Variants in SPATA13 observed in about 807,000 individuals in gnomAD.
The protein encoded by SPATA13 is spermatogenesis associated 13, also known as spermatogenesis-associated protein 13.
SPATA13 carries 50 observed loss-of-function variants against 104.0 expected under a neutral mutation model. The observed-to-expected ratio is 0.48, with a 90% confidence interval of 0.38 to 0.61. SPATA13 has a LOEUF of 0.61. Among genes scored for constraint, SPATA13 ranks in the 20% least tolerant of loss-of-function variants. SPATA13 has a pLI of 0.00. For missense variants in SPATA13, 1,524 were observed against 1,690.6 expected, an observed-to-expected ratio of 0.90 and a Z score of 1.73; for synonymous variants, 606 against 667.5, an observed-to-expected ratio of 0.91 and a Z score of 1.42.
intron 3 of SPATA13, among the ~76,000 whole-genome samples, chr13:24,040,349 G>C (rs569598069): frequency 2.0e-4 from 30 of 152,300 alleles, no homozygotes; most frequent in Admixed American, 3.3e-4. Flanking sequence ...TTAAAGTCCT[G>C]AGGCCTCCCA....
intron 3 of SPATA13, among the ~76,000 whole-genome samples, chr13:24,025,390 C>A (rs1017176258): frequency 6.6e-6 from 1 of 152,066 alleles, no homozygotes; most frequent in African/African-American, 2.4e-5. Context: ...TATGGATGGA[C>A]ATTAATTTCC....
At chr13:24,065,379 C>T (rs921805077) in intron 3 of SPATA13, among the ~76,000 whole-genome samples, 1 of 152,040 alleles carries the variant, frequency 6.6e-6, no homozygotes, top group African/African-American at 2.4e-5. Context: ...GGCTGTGAGC[C>T]TGCTTATGTT....
intron 3 of SPATA13, chr13:24,123,897 T>C (rs571088625): frequency 8.3e-4 from 527 of 638,092 alleles, no homozygotes; most frequent in Non-Finnish European, 1.3e-3. Flanking sequence ...CACCCAGAGA[T>C]CATTGTTAAT....
chr13:24,009,836 T>C (rs1876390554), intron 2 of SPATA13, among the ~76,000 whole-genome samples: 1 of 152,166 alleles, frequency 6.6e-6, no homozygotes, highest in Non-Finnish European at 1.5e-5. Flanking sequence ...GAGGAGGGTA[T>C]AATGAGGCAT....
chr13:24,249,838 C>T lies in SPATA13; in HGVS notation c.2015C>T (p.Thr672Ile). 6.3e-7 allele frequency: 1 copy of T among 1,597,334 alleles called. No individual in the cohort carries two copies. The highest frequency in any genetic ancestry group is 8.5e-7 in the Non-Finnish European group (1 of 1,171,180). The change falls in exon 3 of 13, where the codon ACC becomes ATC. Residue 672 changes from threonine (T) to isoleucine (I), a missense_variant. Coordinates refer to ENST00000382108, the MANE Select transcript of SPATA13 (RefSeq NM_001166271.3). ...NQTEELDNLL[T>I]QPASRPPMPA... ...ACGGAGGAACTGGACAATCTTCTGA[C>T]CCAAGTAAGATCTGGTGTGCACTTC...
chr13:24,145,888 T>G (rs988828376), intron 3 of SPATA13, among the ~76,000 whole-genome samples: 1 of 152,156 alleles, frequency 6.6e-6, no homozygotes, highest in African/African-American at 2.4e-5. Flanking sequence ...AGCTCTATGC[T>G]GATGGAGGGA....
Position 24,290,889 on chromosome 13 carries a change from G to A in SPATA13, c.3080+5G>A. On this transcript the variant is annotated splice_donor_5th_base_variant and intron_variant, in intron 9 of 12. Coordinates refer to ENST00000382108, the MANE Select transcript of SPATA13 (RefSeq NM_001166271.3). Reference sequence around the variant, plus strand: ...GTATACCACACAGGAACACGGGTGAGGGGCATGGGTAAGGGGCACAGGTGA... The same window carrying A: ...GTATACCACACAGGAACACGGGTGAAGGGCATGGGTAAGGGGCACAGGTGA... 6.2e-7 allele frequency: 1 copy of A among 1,612,244 alleles called. No homozygotes were observed. The highest frequency in any genetic ancestry group is 8.5e-7 in the Non-Finnish European group (1 of 1,178,672).
At chr13:24,215,635 A>G (rs574795024) in intron 1 of SPATA13, among the ~76,000 whole-genome samples, 1 of 152,332 alleles carries the variant, frequency 6.6e-6, no homozygotes, top group African/African-American at 2.4e-5. Context: ...ATGCTCTTAC[A>G]CACAGTTATT....
At chr13:24,045,010 C>T (rs1231970165) in intron 3 of SPATA13, among the ~76,000 whole-genome samples, 3 of 152,114 alleles carry the variant, frequency 2.0e-5, no homozygotes, top group African/African-American at 7.2e-5. Flanking sequence ...TTCCTTTATT[C>T]TTTCGTGTTT....
At chr13:24,219,422 A>AAATT in intron 1 of SPATA13, among the ~76,000 whole-genome samples, 1 of 152,346 alleles carries the variant, frequency 6.6e-6, no homozygotes, top group African/African-American at 2.4e-5. Context: ...TGAATCCTAG[A>AAATT]AATTAAGTTC....
At chr13:24,096,576 G>C (rs924783212) in intron 3 of SPATA13, among the ~76,000 whole-genome samples, 1 of 152,180 alleles carries the variant, frequency 6.6e-6, no homozygotes, top group South Asian at 2.1e-4. Context: ...GGGCAGCAGA[G>C]TGAGACTCTG....
chr13:24,027,560 T>G (rs1428110931), intron 3 of SPATA13, among the ~76,000 whole-genome samples: 1 of 152,238 alleles, frequency 6.6e-6, no homozygotes, highest in Non-Finnish European at 1.5e-5. Context: ...TTTTAGCTCT[T>G]TATTATTTCC....
chr13:24,269,425 T>A (rs975250760), intron 4 of SPATA13, among the ~76,000 whole-genome samples: 10 of 152,178 alleles, frequency 6.6e-5, no homozygotes, highest in Non-Finnish European at 1.3e-4. Flanking sequence ...AGAGACAGGA[T>A]CTAGCTCTGT....
chr13:24,183,466 G>A (rs1868937195), intron 1 of SPATA13, among the ~76,000 whole-genome samples: 1 of 152,166 alleles, frequency 6.6e-6, no homozygotes, highest in Admixed American at 6.5e-5. Context: ...TTTTCCAAGA[G>A]GTACAAGTCA....
At chr13:24,176,078 C>T (rs1868416924) in intron 1 of SPATA13, among the ~76,000 whole-genome samples, 1 of 152,190 alleles carries the variant, frequency 6.6e-6, no homozygotes, top group Non-Finnish European at 1.5e-5. Context: ...TGAGCTTGCT[C>T]AGCTCCTGGT....
At chr13:24,041,563 G>C (rs751588665) in intron 3 of SPATA13, among the ~76,000 whole-genome samples, 8 of 152,244 alleles carry the variant, frequency 5.3e-5, no homozygotes, top group Non-Finnish European at 1.0e-4. Flanking sequence ...GATGTTGGAA[G>C]CACAGATAAA....
chr13:24,214,304 AT>A (rs1361406222), intron 1 of SPATA13, among the ~76,000 whole-genome samples: 1 of 152,228 alleles, frequency 6.6e-6, no homozygotes, highest in Non-Finnish European at 1.5e-5. Context: ...TTTTCAACAG[AT>A]TGCTTCACGT....
chr13:24,181,075 A>G (rs977887708), intron 1 of SPATA13, among the ~76,000 whole-genome samples: 2 of 152,194 alleles, frequency 1.3e-5, no homozygotes, highest in Non-Finnish European at 2.9e-5. Flanking sequence ...GGTACAGAAA[A>G]ATACGGTATA....
chr13:24,214,616 C>T (rs1227208920), intron 1 of SPATA13, among the ~76,000 whole-genome samples: 1 of 152,178 alleles, frequency 6.6e-6, no homozygotes, highest in East Asian at 1.9e-4. Flanking sequence ...AGCTGCTGCC[C>T]TTCCTCCCCT....
Sources: allele counts gnomAD v4.1 joint callset (sites outside exome capture counted in the v4.1 genomes callset), GRCh38; gene constraint gnomAD v4.1.1; transcripts MANE v1.5; gene names NCBI Gene and HGNC (gene_info 2026-07-23, HGNC 2026-07-21).